The following MPRIP variants were observed in gnomAD, a reference collection of about 807,000 sequenced individuals.
The protein encoded by MPRIP is myosin phosphatase Rho-interacting protein.
Under a neutral mutation model 234.9 loss-of-function variants are expected in MPRIP, and 59 were observed. The ratio of observed to expected loss-of-function variants is 0.25; its 90% CI spans 0.20 to 0.31. The LOEUF (loss-of-function observed/expected upper bound fraction) is 0.31, where lower values mean the gene tolerates loss of function less well. Among genes scored for constraint, MPRIP ranks in the 10% least tolerant of loss-of-function variants. The pLI is 1.00. For missense variants in MPRIP, 2,436 were observed against 3,071.0 expected, an observed-to-expected ratio of 0.79 and a Z score of 4.89; for synonymous variants, 1,144 against 1,263.9, an observed-to-expected ratio of 0.91 and a Z score of 2.01.
intron 3 of MPRIP, among the ~76,000 whole-genome samples, chr17:17,113,016 A>G (rs571788286): frequency 3.9e-5 from 6 of 152,302 alleles, no homozygotes; most frequent in Admixed American, 3.3e-4. Context: ...GGGTCTCACT[A>G]GCTCCCATGA....
intron 11 of MPRIP, chr17:17,149,675 T>C (rs1182249471): frequency 6.7e-6 from 1 of 148,332 alleles, no homozygotes; most frequent in East Asian, 2.0e-4. Flanking sequence ...TGAACAAATA[T>C]ATTTAAATTT....
intron 3 of MPRIP, among the ~76,000 whole-genome samples, chr17:17,120,667 C>T (rs982891354): frequency 4.0e-5 from 6 of 151,638 alleles, no homozygotes; most frequent in African/African-American, 9.7e-5. Flanking sequence ...ATAGCAGAGT[C>T]GATGGCCTAC....
chr17:17,175,024 G>A (rs2046224541), intron 19 of MPRIP, among the ~76,000 whole-genome samples: 1 of 152,200 alleles, frequency 6.6e-6, no homozygotes, highest in Non-Finnish European at 1.5e-5. Flanking sequence ...GCTGCACAGG[G>A]CTGTGTATGA....
rs2046513394 is a variant in MPRIP, at chr17:17,188,162, C to G, written c.*3268C>G. On this transcript the variant is annotated 3_prime_UTR_variant, in exon 24 of 24. Coordinates refer to ENST00000651222, the MANE Select transcript of MPRIP (RefSeq NM_001364716.4). ...ACCAGCATTTCAGAGGACGCGCTGTCCACAGCCTCCCGGGTCTGAGTGGAT... is the reference window on the plus strand; with the variant it reads ...ACCAGCATTTCAGAGGACGCGCTGTGCACAGCCTCCCGGGTCTGAGTGGAT... The G allele has an allele frequency of 6.6e-6, 1 of 152,258 alleles. No homozygotes were observed. Among genetic ancestry groups the G allele is most frequent in the African/African-American group, 2.4e-5 (1 of 41,460 alleles). 9.4% of individuals were successfully genotyped at this position (152,258 alleles called of 1,614,324 possible).
intron 1 of MPRIP, among the ~76,000 whole-genome samples, chr17:17,045,328 G>A (rs1475587985): frequency 6.6e-6 from 1 of 152,158 alleles, no homozygotes; most frequent in Non-Finnish European, 1.5e-5. Context: ...TTCCTCAGCT[G>A]TGGGTTTTGT....
intron 3 of MPRIP, among the ~76,000 whole-genome samples, chr17:17,091,033 G>A (rs1251659281): frequency 6.6e-6 from 1 of 151,462 alleles, no homozygotes; most frequent in Non-Finnish European, 1.5e-5. Context: ...GGAACACAGG[G>A]CCAGGAGTCC....
In MPRIP at chr17:17,075,727, C is replaced by A. The variant is rs752349795; in HGVS notation, c.141C>A (p.Gly47=). 6 of 1,614,008 alleles carry A rather than the reference C, an allele frequency of 3.7e-6. No homozygotes were observed. In the African/African-American group the frequency reaches 8.0e-5, roughly 22 times the overall value. ...EDLTQAKPIY[G]GWLLLAPDGT... ...TCCTCTAGGCAAAACCCATTTATGG[C>A]GGTTGGCTGCTCCTGGCTCCAGATG... The change falls in exon 2 of 24, where the codon GGC becomes GGA. Residue 47 remains glycine (G), a synonymous_variant. Coordinates refer to ENST00000651222, the MANE Select transcript of MPRIP (RefSeq NM_001364716.4).
rs139344156 is a variant in MPRIP at position 17,161,286 on chromosome 17, G to A, written c.2447G>A (p.Arg816Gln). 9.6e-5 allele frequency: 154 copies of A among 1,600,266 alleles called. 1 individual carries two copies. Among genetic ancestry groups the A allele is most frequent in the Admixed American group, 7.5e-4 (44 of 59,040 alleles). Residue 816 changes from arginine (R) to glutamine (Q), a missense_variant, in exon 15 of 24, where the codon CGG (arginine) becomes CAG (glutamine). Arg to Gln is a conservative substitution (Grantham distance 43). This residue lies in a region of MPRIP where 1,998 missense variants were observed against 2,520.3 expected (regional missense o/e 0.79). Coordinates refer to ENST00000651222, the MANE Select transcript of MPRIP (RefSeq NM_001364716.4). Reference protein sequence around the residue: ...KEASDLLEQNRLLQDQLRVAL... With the variant: ...KEASDLLEQNQLLQDQLRVAL... ...GCCTCAGACCTTCTGGAGCAGAACC[G>A]GCTCCTGCAGGACCAGCTGAGGGTG...
rs930229717 is a variant in MPRIP, at chr17:17,159,067, C to T, written c.2400+65C>T. 3.3e-6 allele frequency: 5 copies of T among 1,505,944 alleles called. No homozygotes were observed. In the South Asian group the frequency reaches 6.4e-5, roughly 19 times the overall value. The allele number at this position is 1,505,944 out of a possible 1,614,324, so 93.3% of individuals were successfully genotyped here. ...GCCTTTCCAGAGCATCAGCTGTGCCCAGCTGTGGCCTGAGGGGTTCATCTA... is the reference window on the plus strand; with the variant it reads ...GCCTTTCCAGAGCATCAGCTGTGCCTAGCTGTGGCCTGAGGGGTTCATCTA... On this transcript the variant is annotated intron_variant, in intron 14 of 23. Transcript: ENST00000651222.
chr17:17,190,959 A>G lies in MPRIP; in HGVS notation c.*6065A>G, dbSNP rs578032205. ...CAGGGATTTTTGTGACAGAGTTTGTATGGGTTTTTAAAAAAATCTTAGACA... is the reference window on the plus strand; with the variant it reads ...CAGGGATTTTTGTGACAGAGTTTGTGTGGGTTTTTAAAAAAATCTTAGACA... On this transcript the variant is annotated 3_prime_UTR_variant, in exon 24 of 24. Coordinates refer to ENST00000651222, the MANE Select transcript of MPRIP (RefSeq NM_001364716.4). 3.3e-5 allele frequency: 5 copies of G among 152,316 alleles called. No individual in the cohort carries two copies. The highest frequency in any genetic ancestry group is 2.6e-4 in the Admixed American group (4 of 15,304). The allele number at this position is 152,316 out of a possible 1,614,324, so 9.4% of individuals were successfully genotyped here. A position where few individuals can be genotyped will look rare whatever the true frequency, so the allele number is the denominator to read the frequency against.
chr17:17,075,827 A>G (rs1567698387), intron 2 of MPRIP, 40 bp downstream of exon 2: 2 of 1,593,412 alleles, frequency 1.3e-6, no homozygotes, highest in Non-Finnish European at 1.7e-6. Context: ...GGAACCAGAG[A>G]AGGGACCCAT....
chr17:17,150,778 A>G (rs1363093987), intron 12 of MPRIP, among the ~76,000 whole-genome samples: 1 of 151,124 alleles, frequency 6.6e-6, no homozygotes, highest in East Asian at 1.9e-4. Flanking sequence ...GTGTGGATCA[A>G]GGACTGCCTG....
intron 4 of MPRIP, among the ~76,000 whole-genome samples, chr17:17,128,394 G>GT (rs2090533939): frequency 6.6e-6 from 1 of 152,186 alleles, no homozygotes; most frequent in Admixed American, 6.5e-5. Flanking sequence ...AGAGGGTGAT[G>GT]TTTAGCATTT....
At chr17:17,183,543 C>T (rs2046415750) in intron 23 of MPRIP, among the ~76,000 whole-genome samples, 1 of 152,226 alleles carries the variant, frequency 6.6e-6, no homozygotes, top group South Asian at 2.1e-4. Flanking sequence ...AAATGCTTAG[C>T]AGCAGAACCC....
chr17:17,144,138 A>AGG lies in MPRIP; in HGVS notation c.1503+470_1503+471dup, dbSNP rs146119610. Among the ~76,000 whole-genome samples the AGG allele has an allele frequency of 6.8e-3, 1,040 of 152,354 alleles. 15 individuals carry two copies. Among genetic ancestry groups the AGG allele is most frequent in the African/African-American group, 0.024 (1,010 of 41,590 alleles). ...AGAGCTATGACAACAGAGGTGCGGAAGGAGTGGTCAGGGTACAGGAGCAAG... is the reference window on the plus strand; with the variant it reads ...AGAGCTATGACAACAGAGGTGCGGAAGGGGAGTGGTCAGGGTACAGGAGCAAG... On this transcript the variant is annotated intron_variant, in intron 9 of 23. Coordinates refer to ENST00000651222, the MANE Select transcript of MPRIP (RefSeq NM_001364716.4).
At position 17,190,872 on chromosome 17, in the gene MPRIP, T is replaced by C. The variant is rs904262547; in HGVS notation, c.*5978T>C. 1 of 152,240 alleles carries C rather than the reference T, an allele frequency of 6.6e-6. No homozygotes were observed. Among genetic ancestry groups the C allele is most frequent in the Non-Finnish European group, 1.5e-5 (1 of 68,032 alleles). The allele number at this position is 152,240 out of a possible 1,614,324, so 9.4% of individuals were successfully genotyped here. A position where few individuals can be genotyped will look rare whatever the true frequency, so the allele number is the denominator to read the frequency against. The stretch of plus-strand genomic sequence containing the variant: ...TATTTAAAAGCAGCTGTGTTTATTT[T>C]CTTCAAAATAACCTGTATATTATTT... On this transcript the variant is annotated 3_prime_UTR_variant, in exon 24 of 24. Coordinates refer to ENST00000651222, the MANE Select transcript of MPRIP (RefSeq NM_001364716.4).
At chr17:17,110,312 C>CT (rs1206235858) in intron 3 of MPRIP, among the ~76,000 whole-genome samples, 22 of 152,306 alleles carry the variant, frequency 1.4e-4, no homozygotes, top group African/African-American at 5.3e-4. Flanking sequence ...AAATAACCCT[C>CT]TTTTTCTTTA....
intron 11 of MPRIP, 46 bp from the exon 12 acceptor site, chr17:17,150,095 TTGG>T (rs2045566957): frequency 7.1e-7 from 1 of 1,417,426 alleles, no homozygotes; most frequent in Non-Finnish European, 1.0e-6. Flanking sequence ...CATCTAGGCA[TTGG>T]TTCTACTTCC....
At chr17:17,115,988 G>A (rs1387384100) in intron 3 of MPRIP, among the ~76,000 whole-genome samples, 1 of 152,102 alleles carries the variant, frequency 6.6e-6, no homozygotes, top group Non-Finnish European at 1.5e-5. Flanking sequence ...ATGAATATGG[G>A]ATTTTGGTTA....
Sources: gnomAD v4.1 joint callset for allele counts (sites outside exome capture counted in the v4.1 genomes callset) on GRCh38, gnomAD v4.1.1 for gene constraint, gnomAD v4.1.1 regional missense constraint, MANE v1.5 for transcripts, NCBI Gene and HGNC (gene_info 2026-07-23, HGNC 2026-07-21) for gene names.